Variants in EVC2 observed in about 807,000 individuals in gnomAD.
EVC2 encodes the protein limbin.
In EVC2, 148 loss-of-function variants were observed where a neutral mutation model predicts 149.3. The observed-to-expected ratio is 0.99, with a 90% CI of 0.87 to 1.14. The LOEUF (loss-of-function observed/expected upper bound fraction) is 1.14, where lower values mean the gene tolerates loss of function less well. Among genes scored for constraint, EVC2 ranks in the 50% most tolerant of loss-of-function variants. The pLI, the probability that EVC2 is intolerant of heterozygous loss-of-function variation, is 0.00. For missense variants in EVC2, 1,854 were observed against 1,627.3 expected (o/e 1.14, Z -2.40); for synonymous variants, 776 against 649.9 (o/e 1.19, Z -2.95).
At chr4:5,682,859 C>CA (rs34177761) in intron 6 of EVC2, among the ~76,000 whole-genome samples, 1,473 of 97,034 alleles carry the variant, frequency 0.015, 22 homozygotes, top group African/African-American at 0.038. Context: ...AACGCTGTCT[C>CA]AAAAAAAAAA....
chr4:5,562,622 G>A lies in EVC2; in HGVS notation c.*226C>T. 2 of 1,415,796 alleles carry A rather than the reference G, an allele frequency of 1.4e-6. No homozygotes were observed. The highest frequency in any genetic ancestry group is 1.8e-6 in the Non-Finnish European group (2 of 1,088,572). The allele number at this position is 1,415,796 out of a possible 1,614,324, so 87.7% of individuals were successfully genotyped here. ...GGGCCCTGGGGAGGTGGGGCTGAAA[G>A]AAGGAGTGTTTATGTCCTTGTGATA... On this transcript the variant is annotated 3_prime_UTR_variant, in exon 22 of 22. Coordinates refer to ENST00000344408, the MANE Select transcript of EVC2 (RefSeq NM_147127.5). The surrounding 1 kb of genome is among the most constrained non-coding windows in gnomAD (Gnocchi z 4.3).
chr4:5,702,838 G>A (rs1218890578), intron 1 of EVC2, among the ~76,000 whole-genome samples: 1 of 152,192 alleles, frequency 6.6e-6, no homozygotes. Context: ...ACCTCACCTG[G>A]AATCACTGTG....
At chr4:5,698,812 TTC>T (rs1361527542) in intron 1 of EVC2, among the ~76,000 whole-genome samples, 3 of 152,192 alleles carry the variant, frequency 2.0e-5, no homozygotes, top group African/African-American at 7.2e-5. Flanking sequence ...AACGGCTGGT[TTC>T]TGTGTAATGG....
intron 9 of EVC2, among the ~76,000 whole-genome samples, chr4:5,641,872 T>A (rs1717353963): frequency 6.6e-6 from 1 of 152,160 alleles, no homozygotes; most frequent in African/African-American, 2.4e-5. Context: ...GCTGCACCTA[T>A]CAACCCGATA....
chr4:5,560,864 C>T (rs1721930111), downstream of EVC2, among the ~76,000 whole-genome samples: 1 of 152,046 alleles, frequency 6.6e-6, no homozygotes, highest in Non-Finnish European at 1.5e-5. The surrounding 1 kb of genome is among the most constrained non-coding windows in gnomAD (Gnocchi z 4.1). Context: ...GTTGTAGAGC[C>T]ACAGTTTAAA....
chr4:5,584,911 GAACA>G lies in EVC2; in HGVS notation c.2830-65_2830-62del, dbSNP rs113324162. The G allele has an allele frequency of 2.5e-3, 3,883 of 1,564,810 alleles. 85 individuals carry two copies. The African/African-American group carries it at 0.047, about 19-fold the overall frequency. On this transcript the variant is annotated intron_variant, in intron 16 of 21. Transcript: ENST00000344408. ...GCAGTGAGTAGAGGAGGGTGGAGGAGAACAAACAGCCTTTCAGAGTTCACAGACC... is the reference window on the plus strand; with the variant it reads ...GCAGTGAGTAGAGGAGGGTGGAGGAGAACAGCCTTTCAGAGTTCACAGACC...
At chr4:5,673,397 G>A (rs995936708) in intron 7 of EVC2, among the ~76,000 whole-genome samples, 1 of 152,214 alleles carries the variant, frequency 6.6e-6, no homozygotes, top group Non-Finnish European at 1.5e-5. Flanking sequence ...ACCAGAAGTG[G>A]CTGAGAGCAC....
intron 16 of EVC2, among the ~76,000 whole-genome samples, chr4:5,594,957 A>C (rs1309548126): frequency 6.6e-6 from 1 of 152,242 alleles, no homozygotes; most frequent in Non-Finnish European, 1.5e-5. Flanking sequence ...CAACTGGAAG[A>C]AAGGCTATCA....
chr4:5,701,884 T>C (rs1721850874), intron 1 of EVC2, among the ~76,000 whole-genome samples: 1 of 152,054 alleles, frequency 6.6e-6, no homozygotes, highest in Non-Finnish European at 1.5e-5. Flanking sequence ...CCACTGGCTC[T>C]ACCTTGAAAA....
At chr4:5,660,214 G>T (rs780529218) in intron 9 of EVC2, among the ~76,000 whole-genome samples, 1 of 152,190 alleles carries the variant, frequency 6.6e-6, no homozygotes, top group Admixed American at 6.5e-5. Context: ...CTGGCACCCA[G>T]AAATGGATTA....
At position 5,615,541 on chromosome 4, in the gene EVC2, G is replaced by A. The variant is rs1260429265; in HGVS notation, c.2710C>T (p.Gln904Ter). The part of the protein sequence containing the change: ...QAVAAPELQQ[Q>*]SKVRKSRSKS... ...GACCGTGACTTTCTCACCTTGGACT[G>A]TTGCTGGAGAGGGGTTGGGGAAGAC... The change falls in exon 16 of 22, where the codon CAG becomes TAG. Residue 904 changes from glutamine to a stop codon, truncating the protein, a stop_gained. Transcript: ENST00000344408. LOFTEE classifies it high-confidence loss of function. The A allele has an allele frequency of 1.2e-6, 2 of 1,614,202 alleles. No homozygotes were observed. The highest frequency in any genetic ancestry group is 1.1e-5 in the South Asian group (1 of 91,080).
chr4:5,651,996 C>G (rs780883363), intron 9 of EVC2, among the ~76,000 whole-genome samples: 7 of 152,232 alleles, frequency 4.6e-5, no homozygotes, highest in Non-Finnish European at 8.8e-5. Context: ...AGGCATCTGA[C>G]ACGGAGCCTT....
intron 17 of EVC2, among the ~76,000 whole-genome samples, chr4:5,582,336 G>A (rs1397857109): frequency 6.6e-6 from 1 of 152,220 alleles, no homozygotes; most frequent in East Asian, 1.9e-4. Context: ...CCATCCCTTG[G>A]ACCAGCATGT....
chr4:5,576,191 G>C lies in EVC2; in HGVS notation c.3272+49C>G, dbSNP rs375625169. On this transcript the variant is annotated intron_variant, in intron 18 of 21. Coordinates refer to ENST00000344408, the MANE Select transcript of EVC2 (RefSeq NM_147127.5). This position sits in a 1 kb window ranked among gnomAD's most constrained non-coding sequence, Gnocchi z 4.5. ...TGAGTTGGAGATGCCAGGTTCTCCAGGACTGCTGGGGACTAATATCTTTGA... is the reference window on the plus strand; with the variant it reads ...TGAGTTGGAGATGCCAGGTTCTCCACGACTGCTGGGGACTAATATCTTTGA... 3 of 1,613,682 alleles carry C rather than the reference G, an allele frequency of 1.9e-6. No homozygotes were observed. Among genetic ancestry groups the C allele is most frequent in the Non-Finnish European group, 2.5e-6 (3 of 1,180,044 alleles).
chr4:5,680,567 C>T (rs1184704511), intron 7 of EVC2, among the ~76,000 whole-genome samples: 10 of 152,094 alleles, frequency 6.6e-5, no homozygotes, highest in African/African-American at 1.2e-4. Flanking sequence ...TCACCGAACC[C>T]GGGGGTGGGT....
intron 17 of EVC2, among the ~76,000 whole-genome samples, chr4:5,583,693 C>G (rs1402261706): frequency 6.6e-6 from 1 of 151,616 alleles, no homozygotes; most frequent in East Asian, 1.9e-4. Flanking sequence ...AGTCGTGTTG[C>G]TTTTTATACT....
intron 9 of EVC2, among the ~76,000 whole-genome samples, chr4:5,643,579 G>C (rs1245213486): frequency 2.0e-5 from 3 of 152,168 alleles, no homozygotes; most frequent in Non-Finnish European, 4.4e-5. Flanking sequence ...GCCCCTAAGA[G>C]GGCAGAGGTA....
At chr4:5,540,824 T>C (rs900279812), downstream of EVC2, among the ~76,000 whole-genome samples, 5 of 152,222 alleles carry the variant, frequency 3.3e-5, no homozygotes, top group African/African-American at 1.2e-4. Flanking sequence ...ATATGAATTA[T>C]ACCTCAATAC....
chr4:5,698,273 T>C (rs777903630), intron 1 of EVC2, among the ~76,000 whole-genome samples: 3 of 152,152 alleles, frequency 2.0e-5, no homozygotes, highest in African/African-American at 7.2e-5. Flanking sequence ...CCATCAACTC[T>C]GTGGACCCTG....
Sources: allele counts gnomAD v4.1 joint callset (sites outside exome capture counted in the v4.1 genomes callset), GRCh38; gene constraint gnomAD v4.1.1; non-coding constraint Gnocchi (gnomAD v3.1); transcripts MANE v1.5; gene names NCBI Gene and HGNC (gene_info 2026-07-23, HGNC 2026-07-21).